PAX5: variants seen among roughly 807,000 people sequenced by gnomAD.
PAX5 encodes the protein paired box protein Pax-5.
A neutral mutation model predicts 43.7 loss-of-function variants in PAX5; 9 were observed. That is an observed-to-expected ratio of 0.21 (90% CI 0.12 to 0.36). The LOEUF (loss-of-function observed/expected upper bound fraction) is 0.36. Among genes scored for constraint, PAX5 ranks in the 10% least tolerant of loss-of-function variants. The pLI is 1.00. For synonymous variants in PAX5, 228 were observed against 214.3 expected, an observed-to-expected ratio of 1.06 and a Z score of -0.56; for missense variants, 383 against 532.7, an observed-to-expected ratio of 0.72 and a Z score of 2.77.
intron 8 of PAX5, among the ~76,000 whole-genome samples, chr9:36,851,172 T>C (rs1823123537): frequency 6.6e-6 from 1 of 152,146 alleles, no homozygotes; most frequent in Admixed American, 6.5e-5. Context: ...AGTGAAAGAA[T>C]GTTACTGGAA....
At chr9:36,898,663 G>T (rs1402124241) in intron 7 of PAX5, among the ~76,000 whole-genome samples, 1 of 152,226 alleles carries the variant, frequency 6.6e-6, no homozygotes, top group African/African-American at 2.4e-5. Flanking sequence ...TTATGCGCGA[G>T]ATGGGATCTC....
At chr9:37,033,691 A>G (rs2132589906) in intron 1 of PAX5, among the ~76,000 whole-genome samples, 1 of 152,264 alleles carries the variant, frequency 6.6e-6, no homozygotes, top group Non-Finnish European at 1.5e-5. Context: ...CATATACTGT[A>G]ATGAACACAC....
chr9:36,917,601 G>T lies in PAX5; in HGVS notation c.910+5754C>A, dbSNP rs138413233. ...TGGCCACCAGTTGACCATTTCTGTA[G>T]ACAAGATTCTCAGAAAGGCAACCAC... On this transcript the variant is annotated intron_variant, in intron 7 of 9. Transcript: ENST00000358127. 1.8e-3 allele frequency among the ~76,000 whole-genome samples: 277 copies of T among 152,336 alleles called. 1 individual carries two copies. The highest frequency in any genetic ancestry group is 6.5e-3 in the African/African-American group (270 of 41,590).
intron 2 of PAX5, among the ~76,000 whole-genome samples, chr9:37,018,614 A>G (rs1839597134): frequency 6.8e-6 from 1 of 147,102 alleles, no homozygotes; most frequent in African/African-American, 2.5e-5. Context: ...GCCCCAGTTC[A>G]GAAATTCCCA....
At chr9:36,939,837 T>C (rs1197743368) in intron 6 of PAX5, among the ~76,000 whole-genome samples, 1 of 151,918 alleles carries the variant, frequency 6.6e-6, no homozygotes, top group Non-Finnish European at 1.5e-5. Flanking sequence ...GAGAGAGCGC[T>C]CGCGTGCGGG....
chr9:36,983,049 T>A (rs1836075346), intron 5 of PAX5, among the ~76,000 whole-genome samples: 1 of 152,170 alleles, frequency 6.6e-6, no homozygotes, highest in Admixed American at 6.5e-5. Context: ...TTGGCCTGCA[T>A]CTCACACATC....
chr9:37,002,090 C>T (rs1293381037), intron 5 of PAX5, among the ~76,000 whole-genome samples: 1 of 151,910 alleles, frequency 6.6e-6, no homozygotes, highest in Admixed American at 6.6e-5. Flanking sequence ...TCCTTCCAGA[C>T]CCAAGGACAA....
intron 1 of PAX5, among the ~76,000 whole-genome samples, chr9:37,026,283 G>A (rs898403805): frequency 2.6e-5 from 4 of 152,230 alleles, no homozygotes; most frequent in Admixed American, 1.3e-4. Flanking sequence ...TGTCGCCGCC[G>A]GAGCCTTGAA....
At chr9:37,033,290 G>T (rs893487030) in intron 1 of PAX5, among the ~76,000 whole-genome samples, 4 of 152,140 alleles carry the variant, frequency 2.6e-5, no homozygotes, top group Non-Finnish European at 5.9e-5. Flanking sequence ...TAAACACCAC[G>T]GATCTCCATA....
intron 6 of PAX5, among the ~76,000 whole-genome samples, chr9:36,950,913 TG>T (rs1267999550): frequency 6.6e-6 from 1 of 152,042 alleles, no homozygotes; most frequent in African/African-American, 2.4e-5. Context: ...GCTAATTTTT[TG>T]TATCTTTAGT....
chr9:36,904,515 G>T (rs1359425664), intron 7 of PAX5, among the ~76,000 whole-genome samples: 8 of 152,086 alleles, frequency 5.3e-5, no homozygotes. Context: ...TGATCTCAGG[G>T]TGGGAGTAGA....
intron 7 of PAX5, among the ~76,000 whole-genome samples, chr9:36,909,853 G>A (rs1049527196): frequency 7.8e-5 from 8 of 103,038 alleles, no homozygotes; most frequent in Admixed American, 2.6e-4. Context: ...ATAGGGTTTC[G>A]ATCCTTTGCC....
Position 36,978,803 on chromosome 9 carries a change from C to A in PAX5, c.605-12079G>T, listed in dbSNP as rs537014324. ...CTTTTCATTTGGAGAAGATATCAGG[C>A]CATTTCGATGGGGCTGATGGAGTCC... On this transcript the variant is annotated intron_variant, in intron 5 of 9. Transcript: ENST00000358127. Among the ~76,000 whole-genome samples the A allele has an allele frequency of 3.3e-5, 5 of 152,258 alleles. No individual in the cohort carries two copies. The East Asian group carries it at 9.6e-4, about 29-fold the overall frequency.
intron 7 of PAX5, among the ~76,000 whole-genome samples, chr9:36,901,244 G>A (rs1279382246): frequency 3.9e-5 from 6 of 152,026 alleles, no homozygotes; most frequent in Admixed American, 3.9e-4. Context: ...CTCATCTCCA[G>A]CTGCTTTCTT....
chr9:37,012,256 T>C (rs1337595777), intron 3 of PAX5, among the ~76,000 whole-genome samples: 1 of 152,198 alleles, frequency 6.6e-6, no homozygotes, highest in African/African-American at 2.4e-5. Flanking sequence ...TCCTCAGTTC[T>C]GTCACTCGCA....
At position 36,955,800 on chromosome 9, in the gene PAX5, TATACCC is replaced by T. The variant is rs1335642943; in HGVS notation, c.780+10743_780+10748del. ...AAAAAAAAATATATATATATATATA[TATACCC>T]ACACACACATATATATATAATGCTT... On this transcript the variant is annotated intron_variant, in intron 6 of 9. Coordinates refer to ENST00000358127, the MANE Select transcript of PAX5 (RefSeq NM_016734.3). 6.6e-3 allele frequency among the ~76,000 whole-genome samples: 831 copies of T among 125,302 alleles called. 6 individuals carry two copies. The highest frequency in any genetic ancestry group is 0.025 in the African/African-American group (764 of 31,046). The allele number at this position is 125,302 out of a possible 152,430, so 82.2% of individuals were successfully genotyped here. A position where few individuals can be genotyped will look rare whatever the true frequency, so the allele number is the denominator to read the frequency against.
intron 6 of PAX5, among the ~76,000 whole-genome samples, chr9:36,948,737 G>A (rs1832757863): frequency 6.6e-6 from 1 of 151,714 alleles, no homozygotes; most frequent in Non-Finnish European, 1.5e-5. Context: ...GGTCAGATAG[G>A]GCCTTCTGGT....
Position 36,936,827 on chromosome 9 carries a change from C to T in PAX5, c.781-13343G>A, listed in dbSNP as rs544305314. Among the ~76,000 whole-genome samples the T allele has an allele frequency of 4.2e-5, 5 of 118,492 alleles. No individual in the cohort carries two copies. In the East Asian group the frequency reaches 1.4e-3, roughly 32 times the overall value. The allele number at this position is 118,492 out of a possible 152,430, so 77.7% of individuals were successfully genotyped here. ...GTGGGAACCTGCAGGCACACACACACATGCACACACACACACACACATGCA... is the reference window on the plus strand; with the variant it reads ...GTGGGAACCTGCAGGCACACACACATATGCACACACACACACACACATGCA... On this transcript the variant is annotated intron_variant, in intron 6 of 9. Transcript: ENST00000358127.
At chr9:36,878,714 A>C (rs2131742298) in intron 8 of PAX5, among the ~76,000 whole-genome samples, 1 of 152,336 alleles carries the variant, frequency 6.6e-6, no homozygotes, top group Non-Finnish European at 1.5e-5. Flanking sequence ...TCTGTGGGAC[A>C]GTGCCGGGGG....
Sources: gnomAD v4.1 joint callset for allele counts (sites outside exome capture counted in the v4.1 genomes callset) on GRCh38, gnomAD v4.1.1 for gene constraint, MANE v1.5 for transcripts, NCBI Gene and HGNC (gene_info 2026-07-23, HGNC 2026-07-21) for gene names.